Variants in TCF12 observed in about 807,000 individuals in gnomAD.
The protein encoded by TCF12 is transcription factor 12.
A neutral mutation model predicts 86.0 loss-of-function variants in TCF12; 45 were observed. The ratio of observed to expected loss-of-function variants is 0.52; its 90% CI spans 0.41 to 0.67. The LOEUF (loss-of-function observed/expected upper bound fraction) is 0.67. Among genes scored for constraint, TCF12 ranks in the 30% least tolerant of loss-of-function variants. TCF12 has a pLI of 0.00. For missense variants in TCF12, 881 were observed against 859.9 expected (o/e 1.02, Z -0.31); for synonymous variants, 330 against 299.6 (o/e 1.10, Z -1.05).
intron 5 of TCF12, among the ~76,000 whole-genome samples, chr15:57,165,220 T>C (rs546468384): frequency 1.3e-5 from 2 of 151,858 alleles, no homozygotes; most frequent in African/African-American, 2.4e-5. Context: ...CAAAAAAATA[T>C]AAAAACTATC....
At chr15:57,166,928 C>T (rs2054938810) in intron 6 of TCF12, among the ~76,000 whole-genome samples, 1 of 152,184 alleles carries the variant, frequency 6.6e-6, no homozygotes, top group Non-Finnish European at 1.5e-5. Flanking sequence ...TTTCGACTCT[C>T]CCACCTTCTC....
chr15:57,134,957 G>A (rs1391201602), intron 5 of TCF12, among the ~76,000 whole-genome samples: 1 of 137,944 alleles, frequency 7.2e-6, no homozygotes, highest in Non-Finnish European at 1.6e-5. Context: ...TCCTGTTTTT[G>A]TCATGGATAT....
intron 8 of TCF12, among the ~76,000 whole-genome samples, chr15:57,228,365 T>TA (rs2058981455): frequency 6.6e-6 from 1 of 152,090 alleles, no homozygotes; most frequent in Non-Finnish European, 1.5e-5. Flanking sequence ...TTTCAAAACA[T>TA]TCTTATGATG....
intron 6 of TCF12, among the ~76,000 whole-genome samples, chr15:57,191,201 C>T (rs1293151579): frequency 6.6e-6 from 1 of 152,222 alleles, no homozygotes; most frequent in African/African-American, 2.4e-5. Flanking sequence ...CAGTGGCTCA[C>T]ACCAGTATTC....
intron 5 of TCF12, among the ~76,000 whole-genome samples, chr15:57,156,419 G>T (rs1425572915): frequency 6.6e-6 from 1 of 152,172 alleles, no homozygotes; most frequent in Admixed American, 6.5e-5. Flanking sequence ...GACAGAAATA[G>T]ATCCTCTTGA....
chr15:57,060,052 A>G (rs1285869889), intron 3 of TCF12, among the ~76,000 whole-genome samples: 2 of 152,212 alleles, frequency 1.3e-5, no homozygotes, highest in African/African-American at 4.8e-5. Flanking sequence ...GGACTTGGGC[A>G]AGAAGTTTAC....
intron 3 of TCF12, among the ~76,000 whole-genome samples, chr15:57,044,422 C>T (rs1351983471): frequency 1.3e-5 from 2 of 152,024 alleles, no homozygotes; most frequent in Non-Finnish European, 2.9e-5. Context: ...CCTGTGGATT[C>T]TTTAAGTGAA....
intron 6 of TCF12, among the ~76,000 whole-genome samples, chr15:57,171,266 G>C (rs1386216658): frequency 1.3e-5 from 2 of 151,552 alleles, no homozygotes; most frequent in East Asian, 3.9e-4. Flanking sequence ...AGCAGTTCGT[G>C]AGCCCCAGAG....
intron 3 of TCF12, among the ~76,000 whole-genome samples, chr15:56,937,616 C>G (rs1179901059): frequency 9.9e-5 from 15 of 151,418 alleles, no homozygotes; most frequent in Non-Finnish European, 8.8e-5. Context: ...GCATCCTTGT[C>G]TTGTTCCAAT....
intron 7 of TCF12, among the ~76,000 whole-genome samples, 199 bp downstream of exon 7, chr15:57,192,492 C>T (rs757565281): frequency 6.6e-5 from 10 of 152,118 alleles, no homozygotes; most frequent in Non-Finnish European, 1.5e-4. Flanking sequence ...GTGCTCAAGC[C>T]GTCCTCCCAC....
At chr15:57,270,125 TCTC>T (rs2061064665) in intron 18 of TCF12, among the ~76,000 whole-genome samples, 1 of 152,206 alleles carries the variant, frequency 6.6e-6, no homozygotes, top group Non-Finnish European at 1.5e-5. Context: ...TTGGGGAAGT[TCTC>T]CTGGATAATA....
At chr15:56,958,155 G>T (rs1038908590) in intron 3 of TCF12, among the ~76,000 whole-genome samples, 1 of 152,136 alleles carries the variant, frequency 6.6e-6, no homozygotes, top group Non-Finnish European at 1.5e-5. Context: ...GTTTTTACCT[G>T]CTCTCAGGTT....
chr15:57,121,268 A>G (rs902620133), intron 5 of TCF12, among the ~76,000 whole-genome samples: 3 of 152,194 alleles, frequency 2.0e-5, no homozygotes, highest in Non-Finnish European at 4.4e-5. Context: ...GTCACTGTTT[A>G]AATAATACAT....
At chr15:57,176,692 G>A (rs115383755) in intron 6 of TCF12, among the ~76,000 whole-genome samples, 1,759 of 152,258 alleles carry the variant, frequency 0.012, 32 homozygotes, top group African/African-American at 0.04. Context: ...GTAGTGATAA[G>A]AGAATAGTTG....
intron 3 of TCF12, among the ~76,000 whole-genome samples, chr15:57,047,020 C>T (rs938438928): frequency 2.0e-5 from 3 of 152,170 alleles, no homozygotes; most frequent in Admixed American, 6.5e-5. Flanking sequence ...ATCTAAACTA[C>T]GCCTTTCGTC....
chr15:56,974,785 C>A (rs1378023517), intron 3 of TCF12, among the ~76,000 whole-genome samples: 1 of 151,930 alleles, frequency 6.6e-6, no homozygotes, highest in Admixed American at 6.6e-5. Flanking sequence ...CAACTAATTT[C>A]GTATTTTTTT....
chr15:57,042,449 CTG>C (rs1468469370), intron 3 of TCF12, among the ~76,000 whole-genome samples: 1 of 151,870 alleles, frequency 6.6e-6, no homozygotes, highest in African/African-American at 2.4e-5. Flanking sequence ...AGTCTTAACT[CTG>C]TTGCCCAGGC....
intron 5 of TCF12, among the ~76,000 whole-genome samples, chr15:57,161,999 C>G (rs1239021018): frequency 1.3e-5 from 2 of 152,080 alleles, no homozygotes; most frequent in Non-Finnish European, 2.9e-5. Flanking sequence ...GAGAAGTCCG[C>G]CCAAGAGGCC....
At chr15:57,017,333 C>T (rs1388137064) in intron 3 of TCF12, among the ~76,000 whole-genome samples, 1 of 152,214 alleles carries the variant, frequency 6.6e-6, no homozygotes, top group Non-Finnish European at 1.5e-5. Context: ...TAAGGAGAGT[C>T]ACAAGTTATC....
Sources: gnomAD v4.1 joint callset for allele counts (sites outside exome capture counted in the v4.1 genomes callset) on GRCh38, gnomAD v4.1.1 for gene constraint, MANE v1.5 for transcripts, NCBI Gene and HGNC (gene_info 2026-07-23, HGNC 2026-07-21) for gene names.